CPEB4: variants seen among roughly 807,000 people sequenced by gnomAD.
The protein encoded by CPEB4 is cytoplasmic polyadenylation element binding protein 4, also known as cytoplasmic polyadenylation element-binding protein 4.
In CPEB4, 12 loss-of-function variants were observed where a neutral mutation model predicts 72.5. The observed-to-expected ratio is 0.17, with a 90% CI of 0.11 to 0.27. The LOEUF is 0.27. Ranked by LOEUF, CPEB4 falls within the 10% of genes least tolerant of loss-of-function variation. The probability of loss-of-function intolerance (pLI) is 1.00; values close to 1 mark genes in which losing one functional copy is unlikely to be tolerated. For synonymous variants in CPEB4, 302 were observed against 326.3 expected (o/e 0.93, Z 0.80); for missense variants, 614 against 908.5 (o/e 0.68, Z 4.17).
chr5:173,895,151 G>A (rs1755959292), intron 1 of CPEB4, among the ~76,000 whole-genome samples: 1 of 152,004 alleles, frequency 6.6e-6, no homozygotes, highest in Non-Finnish European at 1.5e-5. Flanking sequence ...TGTGACTACA[G>A]GCATGATTGG....
At chr5:173,911,513 C>T (rs751723597) in intron 2 of CPEB4, among the ~76,000 whole-genome samples, 4 of 152,068 alleles carry the variant, frequency 2.6e-5, no homozygotes, top group South Asian at 2.1e-4. Flanking sequence ...CTGCCCGCCT[C>T]GGCCTCCCAA....
intron 3 of CPEB4, among the ~76,000 whole-genome samples, chr5:173,938,859 CAAAT>C (rs1757725063): frequency 6.6e-6 from 1 of 152,148 alleles, no homozygotes; most frequent in Non-Finnish European, 1.5e-5. Context: ...GGTTCATTAA[CAAAT>C]ATAGCAATAT....
At position 173,931,794 on chromosome 5, in the gene CPEB4, TCCA is replaced by T. The variant is rs1757456588; in HGVS notation, c.1208-655_1208-653del. ...GGCTACCAATTTGGAAGACAGTTCATCCAACAAAAATTTTAGTACCTTCACAAA... is the reference window on the plus strand; with the variant it reads ...GGCTACCAATTTGGAAGACAGTTCATACAAAAATTTTAGTACCTTCACAAA... On this transcript the variant is annotated intron_variant, in intron 2 of 9. Coordinates refer to ENST00000265085, the MANE Select transcript of CPEB4 (RefSeq NM_030627.4). 5.3e-5 allele frequency among the ~76,000 whole-genome samples: 8 copies of T among 152,320 alleles called. No homozygotes were observed. The South Asian group carries it at 1.2e-3, about 24-fold the overall frequency.
At chr5:173,946,603 T>G (rs1361302110) in intron 5 of CPEB4, among the ~76,000 whole-genome samples, 1 of 152,144 alleles carries the variant, frequency 6.6e-6, no homozygotes, top group African/African-American at 2.4e-5. Flanking sequence ...TGTCAGGAGA[T>G]AAGAGCCCTG....
chr5:173,899,347 C>A (rs865934132), intron 1 of CPEB4, among the ~76,000 whole-genome samples: 15 of 152,076 alleles, frequency 9.9e-5, no homozygotes, highest in African/African-American at 3.4e-4. Context: ...CAGTATGTGT[C>A]TCTAGAGGAG....
intron 1 of CPEB4, among the ~76,000 whole-genome samples, chr5:173,896,494 T>C (rs1756018262): frequency 6.6e-6 from 1 of 152,196 alleles, no homozygotes; most frequent in African/African-American, 2.4e-5. Context: ...ATAAAGTTGT[T>C]GATACTATTT....
intron 2 of CPEB4, among the ~76,000 whole-genome samples, chr5:173,917,166 T>C (rs1756898362): frequency 6.6e-6 from 1 of 152,212 alleles, no homozygotes; most frequent in South Asian, 2.1e-4. Context: ...AAATTTGAAG[T>C]AATTTGGGAA....
At position 173,955,886 on chromosome 5, in the gene CPEB4, G is replaced by C. The variant is rs371633486; in HGVS notation, c.1963-24G>C. The C allele has an allele frequency of 6.3e-7, 1 of 1,588,146 alleles. No homozygotes were observed. The highest frequency in any genetic ancestry group is 1.3e-5 in the African/African-American group (1 of 74,306). On this transcript the variant is annotated intron_variant, in intron 9 of 9. Transcript: ENST00000265085. The surrounding 1 kb of genome is among the most constrained non-coding windows in gnomAD (Gnocchi z 4.7). ...ATTGCTGGCCTAGTCACTGAAAAAT[G>C]TAAACTCTTATTTTTGATTGCAGGT...
intron 4 of CPEB4, 41 bp downstream of exon 4, chr5:173,943,090 G>A: frequency 6.3e-7 from 1 of 1,598,032 alleles, no homozygotes; most frequent in Non-Finnish European, 8.6e-7. Flanking sequence ...ACTTGTATTT[G>A]GAGACGACCC....
intron 1 of CPEB4, among the ~76,000 whole-genome samples, chr5:173,902,247 C>T (rs1756262465): frequency 1.3e-5 from 2 of 152,080 alleles, no homozygotes; most frequent in South Asian, 4.1e-4. Flanking sequence ...CCCTTCTTTA[C>T]CAGGGAAAGT....
rs370565950 is a variant in CPEB4 at position 173,891,977 on chromosome 5, A to G, written c.1125+1119A>G. ...TCAGAGTACAAATTCTAAGTTAAAA[A>G]AAAAAACAAACCCAAGGATTGAAAA... On this transcript the variant is annotated intron_variant, in intron 1 of 9. Coordinates refer to ENST00000265085, the MANE Select transcript of CPEB4 (RefSeq NM_030627.4). 8.6e-5 allele frequency among the ~76,000 whole-genome samples: 13 copies of G among 151,880 alleles called. No individual in the cohort carries two copies. In the East Asian group the frequency reaches 1.2e-3, roughly 14 times the overall value.
intron 2 of CPEB4, among the ~76,000 whole-genome samples, chr5:173,925,688 C>T (rs1395467395): frequency 6.6e-6 from 1 of 152,128 alleles, no homozygotes; most frequent in Non-Finnish European, 1.5e-5. Context: ...CTGCAAGTCT[C>T]AAGTGGAGTT....
intron 1 of CPEB4, among the ~76,000 whole-genome samples, chr5:173,905,106 A>G (rs1756388159): frequency 6.6e-6 from 1 of 151,864 alleles, no homozygotes; most frequent in Non-Finnish European, 1.5e-5. Flanking sequence ...TAGATGCTCA[A>G]TAAAGGGTAG....
intron 9 of CPEB4, among the ~76,000 whole-genome samples, chr5:173,954,409 G>A (rs755895122): frequency 2.0e-5 from 3 of 152,138 alleles, no homozygotes; most frequent in Non-Finnish European, 4.4e-5. Flanking sequence ...GTCTCTCTCC[G>A]TCACCCAGGC....
chr5:173,948,022 C>T (rs1228592604), intron 5 of CPEB4, among the ~76,000 whole-genome samples: 1 of 152,028 alleles, frequency 6.6e-6, no homozygotes, highest in Non-Finnish European at 1.5e-5. Context: ...TGTCCCAAAT[C>T]AGGGACAATT....
In CPEB4 at chr5:173,900,912, G is replaced by A. The variant is rs1157920730; in HGVS notation, c.1126-9611G>A. Reference sequence around the variant, plus strand: ...ATCCTCGTTTTGCTGATGAAATTAAGGTTCAATGATATTGCAGCATCAAGA... The same window carrying A: ...ATCCTCGTTTTGCTGATGAAATTAAAGTTCAATGATATTGCAGCATCAAGA... On this transcript the variant is annotated intron_variant, in intron 1 of 9. Coordinates refer to ENST00000265085, the MANE Select transcript of CPEB4 (RefSeq NM_030627.4). The surrounding 1 kb of genome is among the most constrained non-coding windows in gnomAD (Gnocchi z 4.4). 6.6e-6 allele frequency among the ~76,000 whole-genome samples: 1 copy of A among 152,032 alleles called. No homozygotes were observed. Among genetic ancestry groups the A allele is most frequent in the South Asian group, 2.1e-4 (1 of 4,828 alleles).
intron 1 of CPEB4, among the ~76,000 whole-genome samples, chr5:173,908,405 C>T (rs1756521756): frequency 1.3e-5 from 2 of 152,172 alleles, no homozygotes; most frequent in African/African-American, 4.8e-5. Flanking sequence ...GTTCACTCTT[C>T]CCCATCCTCA....
Position 173,888,860 on chromosome 5 carries a change from C to T in CPEB4, c.-874C>T, listed in dbSNP as rs1755702435. 3 of 271,072 alleles carry T rather than the reference C, an allele frequency of 1.1e-5. No homozygotes were observed. The highest frequency in any genetic ancestry group is 6.6e-5 in the African/African-American group (3 of 45,548). 16.8% of individuals were successfully genotyped at this position (271,072 alleles called of 1,614,324 possible). A position where few individuals can be genotyped will look rare whatever the true frequency, so the allele number is the denominator to read the frequency against. On this transcript the variant is annotated 5_prime_UTR_variant, in exon 1 of 10. Coordinates refer to ENST00000265085, the MANE Select transcript of CPEB4 (RefSeq NM_030627.4). This position sits in a 1 kb window ranked among gnomAD's most constrained non-coding sequence, Gnocchi z 4.3. ...CCGCACCCCCAGGCCGCCCGCTCACCCTCGTCGAGTCTCGCTAATCCCTCC... is the reference window on the plus strand; with the variant it reads ...CCGCACCCCCAGGCCGCCCGCTCACTCTCGTCGAGTCTCGCTAATCCCTCC...
At chr5:173,937,029 T>C (rs1757651539) in intron 3 of CPEB4, among the ~76,000 whole-genome samples, 1 of 144,438 alleles carries the variant, frequency 6.9e-6, no homozygotes, top group Non-Finnish European at 1.5e-5. Flanking sequence ...CTTTTTTTTT[T>C]TTTTTTTTTT....
Sources: allele counts gnomAD v4.1 joint callset (sites outside exome capture counted in the v4.1 genomes callset), GRCh38; gene constraint gnomAD v4.1.1; non-coding constraint Gnocchi (gnomAD v3.1); transcripts MANE v1.5; gene names NCBI Gene and HGNC (gene_info 2026-07-23, HGNC 2026-07-21).